DHRSX: variants seen among roughly 807,000 people sequenced by gnomAD.
DHRSX encodes polyprenol dehydrogenase.
A neutral mutation model predicts 34.0 loss-of-function variants in DHRSX; 31 were observed. That is an observed-to-expected ratio of 0.91 (90% confidence interval 0.69 to 1.23). The LOEUF (loss-of-function observed/expected upper bound fraction) is 1.23, where lower values mean the gene tolerates loss of function less well. Among genes scored for constraint, DHRSX ranks in the 50% most tolerant of loss-of-function variants. The pLI is 0.00. For synonymous variants in DHRSX, 201 were observed against 183.8 expected (o/e 1.09, Z -0.76); for missense variants, 414 against 428.1 (o/e 0.97, Z 0.29).
chrX:2,485,649 G>C (rs1302194505), intron 1 of DHRSX, among the ~76,000 whole-genome samples: 2 of 80,538 alleles, frequency 2.5e-5, no homozygotes, highest in African/African-American at 6.3e-5. Flanking sequence ...GGGAAGGAGG[G>C]AGGGAGGGAT....
At chrX:2,345,944 C>G (rs2042703855) in intron 3 of DHRSX, among the ~76,000 whole-genome samples, 1 of 152,140 alleles carries the variant, frequency 6.6e-6, no homozygotes, top group Non-Finnish European at 1.5e-5. Context: ...TCTATCAGTA[C>G]ACACATCATA....
At chrX:2,404,610 G>C (rs1569497615) in intron 3 of DHRSX, among the ~76,000 whole-genome samples, 1 of 151,938 alleles carries the variant, frequency 6.6e-6, no homozygotes, top group African/African-American at 2.4e-5. Flanking sequence ...AAAGTCACTA[G>C]GCAAATAATC....
At chrX:2,238,248 T>C (rs1343220780) in intron 6 of DHRSX, among the ~76,000 whole-genome samples, 1 of 152,072 alleles carries the variant, frequency 6.6e-6, no homozygotes, top group Non-Finnish European at 1.5e-5. Flanking sequence ...TCCCAGCTAC[T>C]CGGGAGGTGG....
intron 3 of DHRSX, among the ~76,000 whole-genome samples, chrX:2,360,645 G>C (rs1447497903): frequency 6.6e-6 from 1 of 151,838 alleles, no homozygotes; most frequent in Admixed American, 6.6e-5. Context: ...TCCACCTCTG[G>C]AATGACTGAA....
intron 1 of DHRSX, among the ~76,000 whole-genome samples, chrX:2,445,851 C>T (rs1250585179): frequency 2.6e-5 from 4 of 152,022 alleles, no homozygotes; most frequent in African/African-American, 9.7e-5. Flanking sequence ...TGAGGACGTT[C>T]CCTAAGCATG....
chrX:2,311,792 C>T (rs1243338389), intron 3 of DHRSX, among the ~76,000 whole-genome samples: 2 of 152,132 alleles, frequency 1.3e-5, no homozygotes, highest in African/African-American at 4.8e-5. Flanking sequence ...TAAAAGTAAA[C>T]TTCAGGGTAG....
chrX:2,423,479 C>T (rs1288936047), intron 2 of DHRSX, among the ~76,000 whole-genome samples: 5 of 151,994 alleles, frequency 3.3e-5, no homozygotes, highest in African/African-American at 1.2e-4. Flanking sequence ...GTCATATCAG[C>T]GACTCATGAG....
chrX:2,252,035 C>T (rs1324800038), intron 5 of DHRSX, among the ~76,000 whole-genome samples: 2 of 151,904 alleles, frequency 1.3e-5, no homozygotes, highest in African/African-American at 2.4e-5. Context: ...GCCAGGAGTT[C>T]GAGACTAGCC....
At chrX:2,225,270 G>C (rs190802811) in intron 6 of DHRSX, among the ~76,000 whole-genome samples, 1 of 147,810 alleles carries the variant, frequency 6.8e-6, no homozygotes, top group Admixed American at 6.8e-5. Context: ...CATGCACACA[G>C]CTCACACACA....
At chrX:2,484,164 G>A (rs2044821094) in intron 1 of DHRSX, among the ~76,000 whole-genome samples, 1 of 152,066 alleles carries the variant, frequency 6.6e-6, no homozygotes, top group African/African-American at 2.4e-5. Flanking sequence ...GTAGAGATGG[G>A]GTTTCACCAT....
chrX:2,221,003 T>C lies in DHRSX; in HGVS notation c.*38A>G, dbSNP rs1268504353. On this transcript the variant is annotated 3_prime_UTR_variant, in exon 7 of 7. Coordinates refer to ENST00000334651, the MANE Select transcript of DHRSX (RefSeq NM_145177.3). The stretch of plus-strand genomic sequence containing the variant: ...ACCCACAAGCTATTGGCAGGTGCAA[T>C]GTGTTTCTTGGGGCAGCAGCTATCC... The C allele has an allele frequency of 1.3e-6, 2 of 1,599,632 alleles. No individual in the cohort carries two copies. Among genetic ancestry groups the C allele is most frequent in the Admixed American group, 1.7e-5 (1 of 59,420 alleles).
chrX:2,247,806 C>G (rs1329317525), intron 5 of DHRSX, among the ~76,000 whole-genome samples: 2 of 151,992 alleles, frequency 1.3e-5, no homozygotes, highest in Non-Finnish European at 2.9e-5. Flanking sequence ...GCATCAGAAG[C>G]AAACCTTTCT....
intron 3 of DHRSX, among the ~76,000 whole-genome samples, chrX:2,341,195 C>G (rs1451303899): frequency 3.9e-5 from 6 of 152,080 alleles, no homozygotes; most frequent in Non-Finnish European, 7.3e-5. Flanking sequence ...CCACAGGCAT[C>G]AAGCTGAATC....
chrX:2,459,550 GTATATATATATATATATA>G (rs57748851), intron 1 of DHRSX, among the ~76,000 whole-genome samples: 30 of 137,804 alleles, frequency 2.2e-4, no homozygotes, highest in Non-Finnish European at 1.2e-4. Context: ...GTGTCTGTGT[GTATATATATATATATATA>G]TATATATATA....
chrX:2,439,124 G>A (rs1199718866), intron 1 of DHRSX, among the ~76,000 whole-genome samples: 1 of 148,962 alleles, frequency 6.7e-6, no homozygotes, highest in African/African-American at 2.5e-5. Flanking sequence ...CAGCCTGGGT[G>A]ACAAGAGCGA....
At chrX:2,408,907 A>G in intron 2 of DHRSX, 94 bp from the exon 3 acceptor site, 1 of 1,105,648 alleles carries the variant, frequency 9.0e-7, no homozygotes, top group Non-Finnish European at 1.3e-6. Flanking sequence ...AGAGAAGTAT[A>G]ACACAAATCT....
intron 2 of DHRSX, among the ~76,000 whole-genome samples, chrX:2,420,822 T>C (rs1180097695): frequency 1.3e-5 from 2 of 151,592 alleles, no homozygotes; most frequent in African/African-American, 4.8e-5. Flanking sequence ...AACTGCTTGA[T>C]GGAAAGAAAG....
rs1556430360 is a variant in DHRSX, at chrX:2,243,799, T to TTGTTTGTTTTG, written c.597-570_597-569insCAAAACAAACA. Among the ~76,000 whole-genome samples, 114 of 23,358 alleles carry TTGTTTGTTTTG rather than the reference T, an allele frequency of 4.9e-3. 2 individuals are homozygous for TTGTTTGTTTTG. Among genetic ancestry groups the TTGTTTGTTTTG allele is most frequent in the African/African-American group, 9.2e-3 (112 of 12,120 alleles). 15.3% of individuals were successfully genotyped at this position (23,358 alleles called of 152,430 possible). ...CCACTATGCTCCCTGTTTTTTTTTT[T>TTGTTTGTTTTG]TTTTTTTTTTTTTTTTTTTTTTTGA... On this transcript the variant is annotated intron_variant, in intron 5 of 6. Transcript: ENST00000334651.
chrX:2,313,646 C>A (rs2042190905), intron 3 of DHRSX, among the ~76,000 whole-genome samples: 3 of 152,052 alleles, frequency 2.0e-5, no homozygotes, highest in African/African-American at 2.4e-5. Flanking sequence ...GAATTACAGG[C>A]ATGAGCCACG....
Sources: gnomAD v4.1 joint callset for allele counts (sites outside exome capture counted in the v4.1 genomes callset) on GRCh38, gnomAD v4.1.1 for gene constraint, MANE v1.5 for transcripts, NCBI Gene and HGNC (gene_info 2026-07-23, HGNC 2026-07-21) for gene names.